The following TOP6BL variants were observed in gnomAD, a reference collection of about 807,000 sequenced individuals.
TOP6BL encodes type 2 DNA topoisomerase 6 subunit B-like.
chr11:66,828,140 ACT>A, the TOP6BL span: 5 of 630,488 alleles, frequency 7.9e-6, no homozygotes, highest in Non-Finnish European at 1.4e-5. Context: ...AACTAAGAAA[ACT>A]CTTAACTTTA....
At chr11:66,804,271 G>A in the TOP6BL span, 3 of 1,067,438 alleles carry the variant, frequency 2.8e-6, no homozygotes, top group Non-Finnish European at 3.9e-6. Flanking sequence ...CCTTTAGTAT[G>A]TGAATTCTGC....
chr11:66,773,070 G>GTC, the TOP6BL span, among the ~76,000 whole-genome samples: 84 of 149,930 alleles, frequency 5.6e-4, no homozygotes, highest in Middle Eastern at 7.0e-3. Context: ...TAATTATACA[G>GTC]TCTCTCTCTC....
chr11:66,828,259 A>G, the TOP6BL span: 2 of 1,610,692 alleles, frequency 1.2e-6, no homozygotes, highest in Non-Finnish European at 8.5e-7. Context: ...TTTCTGGCCC[A>G]TTTTAGGCAG....
At chr11:66,778,830 A>T in the TOP6BL span, among the ~76,000 whole-genome samples, 2 of 152,194 alleles carry the variant, frequency 1.3e-5, no homozygotes, top group African/African-American at 2.4e-5. Flanking sequence ...GACCAATGGA[A>T]CAGAAAAGAG....
chr11:66,839,708 G>C, the TOP6BL span, among the ~76,000 whole-genome samples: 1 of 152,190 alleles, frequency 6.6e-6, no homozygotes, highest in Non-Finnish European at 1.5e-5. Flanking sequence ...TTTAGATCTG[G>C]AGATTTTAAA....
chr11:66,791,893 C>T, the TOP6BL span, among the ~76,000 whole-genome samples: 5 of 151,602 alleles, frequency 3.3e-5, no homozygotes, highest in African/African-American at 1.2e-4. Flanking sequence ...TCTCAGCTCA[C>T]TGCAAGCTCC....
At chr11:66,764,073 T>C in the TOP6BL span, among the ~76,000 whole-genome samples, 41 of 152,320 alleles carry the variant, frequency 2.7e-4, no homozygotes, top group African/African-American at 9.9e-4. Context: ...TTTCTCCCTT[T>C]ATACCCCTAG....
the TOP6BL span, among the ~76,000 whole-genome samples, chr11:66,760,373 C>T: frequency 1.3e-5 from 2 of 150,292 alleles, no homozygotes; most frequent in African/African-American, 4.9e-5. Context: ...CCCTTGAACC[C>T]AGGAGGCAGA....
the TOP6BL span, chr11:66,801,141 ACT>A: frequency 6.3e-7 from 1 of 1,584,466 alleles, no homozygotes; most frequent in Non-Finnish European, 8.7e-7. Context: ...TGCATGTTTT[ACT>A]CTCCTCTCGA....
chr11:66,820,812 C>CT, the TOP6BL span, among the ~76,000 whole-genome samples: 1 of 152,140 alleles, frequency 6.6e-6, no homozygotes, highest in Non-Finnish European at 1.5e-5. Flanking sequence ...AACAGGATCC[C>CT]TTATTTGTTT....
chr11:66,785,305 A>G, the TOP6BL span, among the ~76,000 whole-genome samples: 6 of 151,924 alleles, frequency 3.9e-5, no homozygotes, highest in Non-Finnish European at 8.8e-5. Flanking sequence ...TTAATTTACG[A>G]CAGTGTTTCC....
At chr11:66,836,186 AGAAAGGTCTAT>A in the TOP6BL span, among the ~76,000 whole-genome samples, 1 of 152,164 alleles carries the variant, frequency 6.6e-6, no homozygotes, top group African/African-American at 2.4e-5. Flanking sequence ...TCTTCTTTGA[AGAAAGGTCTAT>A]TCAAATCTTT....
At chr11:66,789,229 C>A in the TOP6BL span, among the ~76,000 whole-genome samples, 2 of 152,156 alleles carry the variant, frequency 1.3e-5, no homozygotes, top group African/African-American at 4.8e-5. Context: ...AAGTGACTCC[C>A]AGTGCAGATC....
the TOP6BL span, among the ~76,000 whole-genome samples, chr11:66,774,159 T>C: frequency 6.6e-6 from 1 of 152,224 alleles, no homozygotes; most frequent in African/African-American, 2.4e-5. Context: ...ATTTTATTTA[T>C]GATGTAAGTT....
the TOP6BL span, among the ~76,000 whole-genome samples, chr11:66,819,432 A>ACTG: frequency 2.0e-4 from 31 of 152,204 alleles, no homozygotes; most frequent in Admixed American, 2.0e-3. Context: ...TGATACATTA[A>ACTG]CATAGCAATA....
chr11:66,813,912 G>A, the TOP6BL span: 2 of 1,613,754 alleles, frequency 1.2e-6, no homozygotes, highest in Non-Finnish European at 1.7e-6. Flanking sequence ...TGTCAACTTG[G>A]GAGCAGCCGA....
chr11:66,820,071 A>G, the TOP6BL span, among the ~76,000 whole-genome samples: 2 of 152,058 alleles, frequency 1.3e-5, no homozygotes, highest in Non-Finnish European at 2.9e-5. Context: ...AAAACCCACA[A>G]AACACTTTGT....
At chr11:66,833,874 G>A in the TOP6BL span, among the ~76,000 whole-genome samples, 1 of 152,022 alleles carries the variant, frequency 6.6e-6, no homozygotes, top group South Asian at 2.1e-4. Context: ...CTTGAATCTA[G>A]GGGGCGGAGG....
chr11:66,824,420 T>TTTATTATTA, the TOP6BL span, among the ~76,000 whole-genome samples: 57 of 140,752 alleles, frequency 4.0e-4, no homozygotes, highest in African/African-American at 5.8e-4. Flanking sequence ...TAATTTTGTA[T>TTTATTATTA]TTATTATTAT....
Sources: gnomAD v4.1 joint callset for allele counts (sites outside exome capture counted in the v4.1 genomes callset) on GRCh38, gnomAD v4.1.1 for gene constraint, MANE v1.5 for transcripts, NCBI Gene and HGNC (gene_info 2026-07-23, HGNC 2026-07-21) for gene names.